Variants in PEAK1 observed in about 807,000 individuals in gnomAD.
PEAK1 encodes pseudopodium enriched atypical kinase 1, also known as inactive tyrosine-protein kinase PEAK1.
A neutral mutation model predicts 124.7 loss-of-function variants in PEAK1; 54 were observed. That is an observed-to-expected ratio of 0.43 (90% confidence interval 0.35 to 0.54). PEAK1 has a LOEUF of 0.54. Ranked by LOEUF, PEAK1 falls within the 20% of genes least tolerant of loss-of-function variation. The probability of loss-of-function intolerance (pLI) is 0.01; values close to 1 mark genes in which losing one functional copy is unlikely to be tolerated. For synonymous variants in PEAK1, 719 were observed against 760.0 expected, an observed-to-expected ratio of 0.95 and a Z score of 0.89; for missense variants, 2,046 against 2,134.5, an observed-to-expected ratio of 0.96 and a Z score of 0.82.
chr15:77,176,158 C>T (rs1182787880), intron 7 of PEAK1, among the ~76,000 whole-genome samples: 3 of 149,222 alleles, frequency 2.0e-5, no homozygotes, highest in East Asian at 2.0e-4. Context: ...TGCTAAATGA[C>T]GAGTTAATGG....
rs1487120153 is a variant in PEAK1, at chr15:77,417,635, T to A, written c.-666+2371A>T. The stretch of plus-strand genomic sequence containing the variant: ...GCCACAGTTTGGTTACTAAATTACT[T>A]AAACAACCCATCCAACAAAAGGGTA... On this transcript the variant is annotated intron_variant, in intron 1 of 9. Transcript: ENST00000682557. 5 of 985,292 alleles carry A rather than the reference T, an allele frequency of 5.1e-6. 1 individual carries two copies. The East Asian group carries it at 5.7e-4, about 112-fold the overall frequency. The allele number at this position is 985,292 out of a possible 1,614,324, so 61.0% of individuals were successfully genotyped here.
At chr15:77,284,299 C>T (rs1269651849) in intron 4 of PEAK1, among the ~76,000 whole-genome samples, 2 of 152,166 alleles carry the variant, frequency 1.3e-5, no homozygotes, top group African/African-American at 2.4e-5. Flanking sequence ...AGACTTATCT[C>T]GCAACCAAAA....
intron 9 of PEAK1, among the ~76,000 whole-genome samples, chr15:77,128,056 G>A (rs78256956): frequency 6.6e-6 from 1 of 150,880 alleles, no homozygotes; most frequent in African/African-American, 2.4e-5. Flanking sequence ...TCCAGCCTGG[G>A]TGACAGAGTG....
intron 6 of PEAK1, among the ~76,000 whole-genome samples, chr15:77,214,846 A>G (rs2059075162): frequency 1.3e-5 from 2 of 152,056 alleles, no homozygotes; most frequent in Admixed American, 6.5e-5. Context: ...CTATCATGAG[A>G]ACGGCAATGG....
At chr15:77,300,164 T>C (rs2063713313) in intron 2 of PEAK1, among the ~76,000 whole-genome samples, 1 of 152,222 alleles carries the variant, frequency 6.6e-6, no homozygotes, top group African/African-American at 2.4e-5. Context: ...ACTTTTAGAC[T>C]GAATTATTCA....
chr15:77,314,636 G>C (rs2064757081), intron 2 of PEAK1, among the ~76,000 whole-genome samples: 1 of 152,104 alleles, frequency 6.6e-6, no homozygotes, highest in Admixed American at 6.6e-5. Context: ...CCAAAGTGCT[G>C]AGATTACACA....
chr15:77,364,091 G>A (rs1350424442), intron 2 of PEAK1, among the ~76,000 whole-genome samples: 2 of 151,992 alleles, frequency 1.3e-5, no homozygotes, highest in Non-Finnish European at 2.9e-5. Flanking sequence ...CCCAGCTACT[G>A]GGGAGGCTGA....
intron 6 of PEAK1, among the ~76,000 whole-genome samples, chr15:77,224,561 T>C (rs1311961892): frequency 6.6e-6 from 1 of 152,044 alleles, no homozygotes; most frequent in Non-Finnish European, 1.5e-5. Context: ...CAATTAGTTC[T>C]AAACAAAGAT....
intron 5 of PEAK1, among the ~76,000 whole-genome samples, chr15:77,264,098 C>T (rs1165857930): frequency 1.3e-5 from 2 of 151,868 alleles, no homozygotes; most frequent in African/African-American, 2.4e-5. Context: ...ATTGATGGGA[C>T]GTATCTCAAA....
chr15:77,333,287 A>G (rs1347084300), intron 2 of PEAK1: 5 of 961,922 alleles, frequency 5.2e-6, no homozygotes, highest in African/African-American at 3.5e-5. Context: ...GCCGGATTCA[A>G]TCACTTTTTG....
At chr15:77,286,369 A>C in intron 3 of PEAK1, 54 bp downstream of exon 3, 1 of 965,558 alleles carries the variant, frequency 1.0e-6, no homozygotes, top group Non-Finnish European at 1.3e-6. Context: ...GATTAATAAA[A>C]GAGATTTAAG....
chr15:77,418,907 G>A, intron 1 of PEAK1: 1 of 985,336 alleles, frequency 1.0e-6, no homozygotes, highest in Non-Finnish European at 1.2e-6. Flanking sequence ...TCCCAATTCA[G>A]GTGAAAAGCT....
chr15:77,240,235 C>T (rs935800041), intron 6 of PEAK1, among the ~76,000 whole-genome samples: 4 of 152,188 alleles, frequency 2.6e-5, no homozygotes, highest in African/African-American at 9.7e-5. Context: ...TCATTGAATT[C>T]TTATAAAAGT....
intron 1 of PEAK1, among the ~76,000 whole-genome samples, chr15:77,411,601 T>A (rs546812584): frequency 6.6e-6 from 1 of 152,222 alleles, no homozygotes; most frequent in African/African-American, 2.4e-5. Flanking sequence ...ATAAGCTTCA[T>A]TAGTACTTCA....
chr15:77,230,847 A>G (rs1377127128), intron 6 of PEAK1, among the ~76,000 whole-genome samples: 1 of 152,124 alleles, frequency 6.6e-6, no homozygotes, highest in Non-Finnish European at 1.5e-5. Flanking sequence ...AAGACAAAAC[A>G]AAACAAAAAA....
At chr15:77,126,413 A>C (rs1303883578) in intron 9 of PEAK1, among the ~76,000 whole-genome samples, 5 of 152,146 alleles carry the variant, frequency 3.3e-5, no homozygotes, top group Non-Finnish European at 7.4e-5. Context: ...GCTTTCTCTC[A>C]TAATTTTAAG....
intron 6 of PEAK1, among the ~76,000 whole-genome samples, chr15:77,199,932 A>T (rs1009880767): frequency 6.6e-6 from 1 of 152,246 alleles, no homozygotes; most frequent in Non-Finnish European, 1.5e-5. Flanking sequence ...TGATACAGGC[A>T]CTAAACTAAA....
At chr15:77,149,849 A>C (rs1212218415) in intron 8 of PEAK1, among the ~76,000 whole-genome samples, 1 of 152,026 alleles carries the variant, frequency 6.6e-6, no homozygotes, top group Non-Finnish European at 1.5e-5. Flanking sequence ...TCCTGGGCTC[A>C]AGGATAATCT....
At chr15:77,206,161 A>AT (rs1330245020) in intron 6 of PEAK1, among the ~76,000 whole-genome samples, 1 of 122,230 alleles carries the variant, frequency 8.2e-6, no homozygotes, top group African/African-American at 3.1e-5. Context: ...TGAACTCATC[A>AT]TTTTTTATGG....
Sources: allele counts gnomAD v4.1 joint callset (sites outside exome capture counted in the v4.1 genomes callset), GRCh38; gene constraint gnomAD v4.1.1; transcripts MANE v1.5; gene names NCBI Gene and HGNC (gene_info 2026-07-23, HGNC 2026-07-21).